Variants in ADIPOR2 observed in about 807,000 individuals in gnomAD.
ADIPOR2 encodes adiponectin receptor 2.
In ADIPOR2, 18 loss-of-function variants were observed where a neutral mutation model predicts 40.9. The observed-to-expected ratio is 0.44, with a 90% CI of 0.30 to 0.65. The LOEUF is 0.65. ADIPOR2 is among the 30% of genes least tolerant of loss of function. The probability of loss-of-function intolerance (pLI) is 0.09; values close to 1 mark genes in which losing one functional copy is unlikely to be tolerated. For synonymous variants in ADIPOR2, 165 were observed against 166.4 expected (o/e 0.99, Z 0.06); for missense variants, 283 against 479.2 (o/e 0.59, Z 3.82).
At chr12:1,700,831 G>T (rs1565629694) in intron 1 of ADIPOR2, among the ~76,000 whole-genome samples, 2 of 149,598 alleles carry the variant, frequency 1.3e-5, no homozygotes, top group Non-Finnish European at 3.0e-5. Context: ...TAAGCATTAA[G>T]ATTTCAAGCC....
intron 1 of ADIPOR2, among the ~76,000 whole-genome samples, chr12:1,748,793 C>T (rs1322019497): frequency 6.6e-6 from 1 of 151,982 alleles, no homozygotes; most frequent in African/African-American, 2.4e-5. Flanking sequence ...CAATAATCAA[C>T]ACAGAAGAAG....
chr12:1,786,005 G>T lies in ADIPOR2; in HGVS notation c.1094G>T (p.Gly365Val). ...GCTGGAGCTTTTGTTCACTTCCATG[G>T]TGTCTCAAACCTCCAGGAGTTTCGT... ...VVAGAFVHFH[G>V]VSNLQEFRFM... is the part of the protein sequence containing the mutation. Residue 365 changes from glycine to valine, a missense_variant, in exon 8 of 8, where the codon GGT becomes GTT. Physicochemically the swap from Gly to Val is moderately radical, Grantham distance 109. Transcript: ENST00000357103. The T allele has an allele frequency of 6.2e-7, 1 of 1,613,996 alleles. No homozygotes were observed. Among genetic ancestry groups the T allele is most frequent in the Non-Finnish European group, 8.5e-7 (1 of 1,180,024 alleles).
intron 1 of ADIPOR2, among the ~76,000 whole-genome samples, chr12:1,745,043 G>A (rs936464652): frequency 1.3e-5 from 2 of 152,118 alleles, no homozygotes; most frequent in Non-Finnish European, 1.5e-5. Flanking sequence ...GCACTGTTTG[G>A]TGGATGCCCA....
chr12:1,780,916 G>T lies in ADIPOR2; in HGVS notation c.678G>T (p.Leu226=), dbSNP rs1168436852. The part of the protein sequence containing the change: ...SKLDYSGIAL[L]IMGSFVPWLY... ...TGGATTACTCTGGTATTGCTCTTCT[G>T]ATTATGGGAAGTTTTGTTCCTTGGC... Residue 226 remains leucine, a synonymous_variant, in exon 6 of 8, where the codon CTG becomes CTT. Coordinates refer to ENST00000357103, the MANE Select transcript of ADIPOR2 (RefSeq NM_024551.3). 6.2e-7 allele frequency: 1 copy of T among 1,611,604 alleles called. No homozygotes were observed. The highest frequency in any genetic ancestry group is 8.5e-7 in the Non-Finnish European group (1 of 1,179,040).
chr12:1,748,402 C>T (rs1351896447), intron 1 of ADIPOR2, among the ~76,000 whole-genome samples: 5 of 152,062 alleles, frequency 3.3e-5, no homozygotes, highest in Non-Finnish European at 2.9e-5. Flanking sequence ...GTGCCCGCCA[C>T]CACGCCTGGC....
intron 3 of ADIPOR2, among the ~76,000 whole-genome samples, chr12:1,774,085 G>T (rs1201493335): frequency 6.6e-6 from 1 of 152,184 alleles, no homozygotes; most frequent in Non-Finnish European, 1.5e-5. Context: ...TGTCTCAGGA[G>T]AATTAGCACA....
intron 1 of ADIPOR2, among the ~76,000 whole-genome samples, chr12:1,731,640 G>A (rs375182090): frequency 4.3e-4 from 65 of 152,178 alleles, no homozygotes; most frequent in African/African-American, 3.4e-4. Context: ...TTCACATAGC[G>A]TACATGTTAT....
intron 1 of ADIPOR2, among the ~76,000 whole-genome samples, chr12:1,746,213 T>C (rs2094754635): frequency 6.6e-6 from 1 of 152,180 alleles, no homozygotes; most frequent in African/African-American, 2.4e-5. Context: ...GATTTTTAGT[T>C]AAAAACTCTT....
chr12:1,772,428 T>C (rs1216149999), intron 2 of ADIPOR2, among the ~76,000 whole-genome samples: 1 of 152,250 alleles, frequency 6.6e-6, no homozygotes, highest in Non-Finnish European at 1.5e-5. Flanking sequence ...TCCCCTTTCT[T>C]TCTCTGCCAC....
chr12:1,758,137 C>T (rs979901541), intron 2 of ADIPOR2: 21 of 448,340 alleles, frequency 4.7e-5, no homozygotes. Flanking sequence ...ATTTTTGTTT[C>T]CTGTCTTCAC....
chr12:1,755,381 T>C (rs1185491917), intron 2 of ADIPOR2, among the ~76,000 whole-genome samples: 1 of 152,174 alleles, frequency 6.6e-6, no homozygotes. Context: ...CGGCCTCTGC[T>C]GACTCTTAAA....
At chr12:1,764,224 T>A (rs1205737473) in intron 2 of ADIPOR2, among the ~76,000 whole-genome samples, 1 of 152,182 alleles carries the variant, frequency 6.6e-6, no homozygotes, top group Non-Finnish European at 1.5e-5. Context: ...TCCCCGACAC[T>A]ATATTAATAC....
In ADIPOR2 at chr12:1,711,613, CCTCT is replaced by C. The variant is rs3052417; in HGVS notation, c.-87+20447_-87+20450del. On this transcript the variant is annotated intron_variant, in intron 1 of 7. Coordinates refer to ENST00000357103, the MANE Select transcript of ADIPOR2 (RefSeq NM_024551.3). Reference sequence around the variant, plus strand: ...ATCTCTGTGTCTCTCTTTGTCTCTTCCTCTCTCTCTCTCTCTCTCTCTCTCTCTT... The same window carrying C: ...ATCTCTGTGTCTCTCTTTGTCTCTTCCTCTCTCTCTCTCTCTCTCTCTCTT... 1.7e-3 allele frequency among the ~76,000 whole-genome samples: 259 copies of C among 149,866 alleles called. 3 individuals carry two copies. Among genetic ancestry groups the C allele is most frequent in the African/African-American group, 6.0e-3 (242 of 40,188 alleles).
intron 1 of ADIPOR2, among the ~76,000 whole-genome samples, chr12:1,728,115 AT>A (rs1232417318): frequency 2.3e-4 from 33 of 144,636 alleles, no homozygotes; most frequent in East Asian, 6.2e-4. Flanking sequence ...TTTGTGTTAG[AT>A]TTTTTTTTTT....
chr12:1,728,486 G>A (rs2094712565), intron 1 of ADIPOR2, among the ~76,000 whole-genome samples: 2 of 151,676 alleles, frequency 1.3e-5, no homozygotes, highest in Admixed American at 1.3e-4. Context: ...ACTTTGAGAG[G>A]CCGAGGTGGG....
chr12:1,713,345 G>A (rs1459147929), intron 1 of ADIPOR2, among the ~76,000 whole-genome samples: 1 of 152,160 alleles, frequency 6.6e-6, no homozygotes, highest in Admixed American at 6.5e-5. Context: ...AGTCTCCACT[G>A]ACTGGTTTTT....
intron 1 of ADIPOR2, among the ~76,000 whole-genome samples, chr12:1,725,539 A>T (rs527751548): frequency 6.6e-6 from 1 of 152,358 alleles, no homozygotes; most frequent in African/African-American, 2.4e-5. Context: ...TATAGTCTAT[A>T]TGTTGACTAC....
intron 1 of ADIPOR2, among the ~76,000 whole-genome samples, chr12:1,702,316 A>G (rs11061932): frequency 0.043 from 6,610 of 152,278 alleles, 237 homozygotes; most frequent in East Asian, 0.18. Flanking sequence ...TGAATTACCC[A>G]GAAGTGCAAT....
intron 1 of ADIPOR2, among the ~76,000 whole-genome samples, chr12:1,692,099 T>TTTA (rs1555164654): frequency 4.0e-5 from 6 of 151,536 alleles, no homozygotes; most frequent in African/African-American, 1.5e-4. Flanking sequence ...TTTTTTTTTT[T>TTTA]ATCACCCCTT....
Sources: gnomAD v4.1 joint callset for allele counts (sites outside exome capture counted in the v4.1 genomes callset) on GRCh38, gnomAD v4.1.1 for gene constraint, MANE v1.5 for transcripts, NCBI Gene and HGNC (gene_info 2026-07-23, HGNC 2026-07-21) for gene names.